ASB4: variants seen among roughly 807,000 people sequenced by gnomAD.
ASB4 encodes the protein ankyrin repeat and SOCS box protein 4.
In ASB4, 35 loss-of-function variants were observed where a neutral mutation model predicts 38.6. The observed-to-expected ratio is 0.91, with a 90% CI of 0.69 to 1.20. The LOEUF is 1.20. Among genes scored for constraint, ASB4 ranks in the 50% most tolerant of loss-of-function variants. ASB4 has a pLI of 0.00. For synonymous variants in ASB4, 195 were observed against 201.3 expected (o/e 0.97, Z 0.26); for missense variants, 557 against 527.2 (o/e 1.06, Z -0.55).
intron 2 of ASB4, among the ~76,000 whole-genome samples, chr7:95,517,552 C>T (rs1422209947): frequency 6.6e-6 from 1 of 151,468 alleles, no homozygotes; most frequent in Non-Finnish European, 1.5e-5. Context: ...GAAAAATCAT[C>T]ACAGACTTTG....
chr7:95,525,473 C>T (rs891212655), intron 2 of ASB4, among the ~76,000 whole-genome samples: 4 of 151,186 alleles, frequency 2.6e-5, no homozygotes, highest in South Asian at 2.1e-4. Flanking sequence ...GTTACACTGG[C>T]GACACAATTC....
chr7:95,545,136 G>C (rs1052889395), downstream of ASB4, among the ~76,000 whole-genome samples: 5 of 152,028 alleles, frequency 3.3e-5, no homozygotes, highest in Admixed American at 2.6e-4. Context: ...TTTTGTTAAG[G>C]GTTCATTGCT....
chr7:95,505,268 C>A, intron 2 of ASB4, among the ~76,000 whole-genome samples: 1 of 152,096 alleles, frequency 6.6e-6, no homozygotes, highest in Non-Finnish European at 1.5e-5. Context: ...AGAGGTAGTG[C>A]ATTTAAGATC....
intron 2 of ASB4, among the ~76,000 whole-genome samples, chr7:95,512,813 C>G (rs1378804644): frequency 6.6e-6 from 1 of 152,080 alleles, no homozygotes; most frequent in African/African-American, 2.4e-5. Flanking sequence ...TTCTTTCCAG[C>G]TTCTCTTCTG....
chr7:95,498,073 A>T (rs1790277016), intron 2 of ASB4, among the ~76,000 whole-genome samples: 2 of 152,232 alleles, frequency 1.3e-5, no homozygotes, highest in African/African-American at 4.8e-5. Context: ...TGGTAAATTT[A>T]TAAGAAACTG....
intron 1 of ASB4, among the ~76,000 whole-genome samples, chr7:95,491,056 C>T (rs1790164058): frequency 6.6e-6 from 1 of 152,198 alleles, no homozygotes; most frequent in African/African-American, 2.4e-5. Flanking sequence ...CTCTTCCAGA[C>T]TAATTATCTT....
intron 2 of ASB4, among the ~76,000 whole-genome samples, chr7:95,521,205 TAAAG>T (rs1790657980): frequency 6.6e-6 from 1 of 152,134 alleles, no homozygotes; most frequent in Non-Finnish European, 1.5e-5. Context: ...TTTCAATACA[TAAAG>T]AAATGTTTCC....
the ASB4 span, among the ~76,000 whole-genome samples, chr7:95,545,701 G>T: frequency 6.6e-5 from 10 of 152,122 alleles, no homozygotes; most frequent in African/African-American, 2.2e-4. Context: ...TATTCTTAGG[G>T]TCTGTCAACA....
chr7:95,480,695 G>A (rs920698242), intron 1 of ASB4, among the ~76,000 whole-genome samples: 2 of 152,274 alleles, frequency 1.3e-5, no homozygotes, highest in African/African-American at 4.8e-5. Flanking sequence ...CCCGACCTTT[G>A]TGTCTTTAGT....
chr7:95,518,804 G>A (rs1046822549), intron 2 of ASB4, among the ~76,000 whole-genome samples: 9 of 152,212 alleles, frequency 5.9e-5, no homozygotes. Context: ...AAGTGCAAGT[G>A]TGTTGGATGG....
chr7:95,485,002 A>G (rs1450796544), upstream of ASB4, among the ~76,000 whole-genome samples: 1 of 139,344 alleles, frequency 7.2e-6, no homozygotes, highest in Non-Finnish European at 1.6e-5. Flanking sequence ...ATATGTATAT[A>G]TGTGTGTGTA....
chr7:95,471,146 A>G, the ASB4 span, among the ~76,000 whole-genome samples: 1 of 152,166 alleles, frequency 6.6e-6, no homozygotes, highest in Non-Finnish European at 1.5e-5. Flanking sequence ...TATCCTGCAC[A>G]ATTGCCAGCA....
chr7:95,543,764 G>A (rs886866035), downstream of ASB4: 3 of 152,220 alleles, frequency 2.0e-5, no homozygotes, highest in Non-Finnish European at 4.4e-5. Context: ...CAGAGGATGA[G>A]GTTGGAAGAG....
At chr7:95,520,426 G>C (rs2116633096) in intron 2 of ASB4, among the ~76,000 whole-genome samples, 1 of 152,244 alleles carries the variant, frequency 6.6e-6, no homozygotes, top group Non-Finnish European at 1.5e-5. Flanking sequence ...AAAAAATAAT[G>C]CTCTGTTGTT....
chr7:95,522,613 T>A (rs1370481622), intron 2 of ASB4, among the ~76,000 whole-genome samples: 1 of 152,120 alleles, frequency 6.6e-6, no homozygotes, highest in African/African-American at 2.4e-5. Context: ...TCTGGAAGGG[T>A]TGGGAAGCAC....
intron 2 of ASB4, among the ~76,000 whole-genome samples, chr7:95,524,734 C>T (rs1367539741): frequency 6.6e-6 from 1 of 152,132 alleles, no homozygotes; most frequent in African/African-American, 2.4e-5. Context: ...GACTGGTGTT[C>T]TTATAAGATG....
chr7:95,496,204 T>A, intron 2 of ASB4, 147 bp downstream of exon 2: 10 of 644,382 alleles, frequency 1.6e-5, no homozygotes, highest in Non-Finnish European at 2.6e-5. Flanking sequence ...TACATAGTTC[T>A]GTTGATTCAG....
rs1790921797 is a variant in ASB4 at position 95,538,143 on chromosome 7, A to G, written c.*384A>G. 1 of 159,682 alleles carries G rather than the reference A, an allele frequency of 6.3e-6. No homozygotes were observed. The highest frequency in any genetic ancestry group is 1.4e-5 in the Non-Finnish European group (1 of 73,086). 9.9% of individuals were successfully genotyped at this position (159,682 alleles called of 1,614,324 possible). ...GTAATATGTTTACATTCTCATTCAA[A>G]TGGCCATATAGCAGGCTTTGCAATT... On this transcript the variant is annotated 3_prime_UTR_variant, in exon 5 of 5. Coordinates refer to ENST00000325885, the MANE Select transcript of ASB4 (RefSeq NM_016116.3).
At chr7:95,485,440 C>T (rs1289144680), upstream of ASB4, among the ~76,000 whole-genome samples, 1 of 152,124 alleles carries the variant, frequency 6.6e-6, no homozygotes, top group Non-Finnish European at 1.5e-5. Context: ...CACTTGAAAA[C>T]CTCCTGTTTG....
Sources: gnomAD v4.1 joint callset for allele counts (sites outside exome capture counted in the v4.1 genomes callset) on GRCh38, gnomAD v4.1.1 for gene constraint, MANE v1.5 for transcripts, NCBI Gene and HGNC (gene_info 2026-07-23, HGNC 2026-07-21) for gene names.